The following CCT7 variants were observed in gnomAD, a reference collection of about 807,000 sequenced individuals.
CCT7 encodes T-complex protein 1 subunit eta.
A neutral mutation model predicts 56.6 loss-of-function variants in CCT7; 16 were observed. The observed-to-expected ratio is 0.28, with a 90% CI of 0.19 to 0.43. The LOEUF (loss-of-function observed/expected upper bound fraction) is 0.43, where lower values mean the gene tolerates loss of function less well. Ranked by LOEUF, CCT7 falls within the 20% of genes least tolerant of loss-of-function variation. The probability of loss-of-function intolerance (pLI) is 1.00; values close to 1 mark genes in which losing one functional copy is unlikely to be tolerated. For synonymous variants in CCT7, 262 were observed against 254.8 expected (o/e 1.03, Z -0.27); for missense variants, 519 against 685.6 (o/e 0.76, Z 2.71).
At chr2:73,245,594 C>G (rs771670795) in intron 6 of CCT7, among the ~76,000 whole-genome samples, 3 of 152,224 alleles carry the variant, frequency 2.0e-5, no homozygotes, top group African/African-American at 4.8e-5. Flanking sequence ...TGTCTGGAAA[C>G]GTCCTTGGTA....
rs1437604509 is a variant in CCT7, at chr2:73,252,871, C to T, written c.*10C>T. On this transcript the variant is annotated 3_prime_UTR_variant, in exon 12 of 12. Coordinates refer to ENST00000258091, the MANE Select transcript of CCT7 (RefSeq NM_006429.4). ...TGGCCGCCCCCACTGAGAGGCACCC[C>T]ACCCATCACATGGCTGGCTGGCTGC... The T allele has an allele frequency of 6.2e-7, 1 of 1,605,300 alleles. No individual in the cohort carries two copies. The highest frequency in any genetic ancestry group is 8.5e-7 in the Non-Finnish European group (1 of 1,173,360).
intron 2 of CCT7, 129 bp from the exon 3 acceptor site, chr2:73,240,308 G>C: frequency 5.6e-6 from 3 of 535,680 alleles, no homozygotes; most frequent in Non-Finnish European, 9.8e-6. Context: ...GATCAGATAG[G>C]TATCCTTTCC....
At position 73,252,735 on chromosome 2, in the gene CCT7, G is replaced by T. The variant is rs754487747; in HGVS notation, c.1506G>T (p.Ala502=). Residue 502 remains alanine (A), a synonymous_variant, in exon 12 of 12, where the codon GCG becomes GCT. Transcript: ENST00000258091. Reference sequence around the variant, plus strand: ...AGCCAGCTATGGTGCGGATCAATGCGCTGACAGCAGCCTCTGAGGCTGCGT... The same window carrying T: ...AGCCAGCTATGGTGCGGATCAATGCTCTGACAGCAGCCTCTGAGGCTGCGT... The part of the protein sequence containing the change: ...VWEPAMVRIN[A]LTAASEAACL... 1 of 1,614,082 alleles carries T rather than the reference G, an allele frequency of 6.2e-7. No individual in the cohort carries two copies. The highest frequency in any genetic ancestry group is 8.5e-7 in the Non-Finnish European group (1 of 1,179,976).
At chr2:73,250,189 CCT>C (rs72255992) in intron 9 of CCT7, 115 bp from the exon 10 acceptor site, 95,745 of 1,300,246 alleles carry the variant, frequency 0.074, 4,152 homozygotes, top group African/African-American at 0.18. Flanking sequence ...GATTGGGTAA[CCT>C]GAGTGAAGAA....
At chr2:73,252,536 C>T (rs1241418106) in intron 11 of CCT7, 104 bp from the exon 12 acceptor site, 1 of 864,128 alleles carries the variant, frequency 1.2e-6, no homozygotes, top group Non-Finnish European at 1.9e-6. Flanking sequence ...CCACCAAGTT[C>T]AGAGAGTCTG....
At chr2:73,244,263 C>CT (rs919444839) in intron 5 of CCT7, 30 of 624,150 alleles carry the variant, frequency 4.8e-5, no homozygotes, top group Middle Eastern at 4.3e-4. Flanking sequence ...TGCAATCCCT[C>CT]TATGTGCCTG....
chr2:73,244,687 T>A lies in CCT7; in HGVS notation c.590T>A (p.Ile197Asn). ...TTGCTGCAGCTTAAAATGATTGGAA[T>A]CAAGAAGGTACAGGGTGGAGCCCTC... is the stretch of plus-strand genomic sequence containing the variant. ...DDLLQLKMIG[I>N]KKVQGGALED... Residue 197 changes from isoleucine (I) to asparagine (N), a missense_variant, in exon 6 of 12, where the codon ATC (isoleucine) becomes AAC (asparagine). By Grantham distance (149) the Ile-to-Asn change is moderately radical. Transcript: ENST00000258091. 4 of 1,613,512 alleles carry A rather than the reference T, an allele frequency of 2.5e-6. No homozygotes were observed. The highest frequency in any genetic ancestry group is 3.4e-6 in the Non-Finnish European group (4 of 1,179,650).
At position 73,249,689 on chromosome 2, in the gene CCT7, G is replaced by A. The variant is rs1287206987; in HGVS notation, c.973-130G>A. ...AGAGAGGGGGAAGGGTCGCCTGGAAGTCAAGGGAAAGGGCGGGTAATGTAG... is the reference window on the plus strand; with the variant it reads ...AGAGAGGGGGAAGGGTCGCCTGGAAATCAAGGGAAAGGGCGGGTAATGTAG... On this transcript the variant is annotated intron_variant, in intron 8 of 11. Transcript: ENST00000258091. 5 of 686,066 alleles carry A rather than the reference G, an allele frequency of 7.3e-6. No individual in the cohort carries two copies. The East Asian group carries it at 1.0e-4, about 14-fold the overall frequency. The allele number at this position is 686,066 out of a possible 1,614,324, so 42.5% of individuals were successfully genotyped here. A position where few individuals can be genotyped will look rare whatever the true frequency, so the allele number is the denominator to read the frequency against.
intron 7 of CCT7, 147 bp downstream of exon 7, chr2:73,248,073 C>A: frequency 1.4e-6 from 1 of 709,320 alleles, no homozygotes; most frequent in Non-Finnish European, 2.3e-6. Context: ...TCTTTCCATA[C>A]TCTGTGTTCT....
intron 1 of CCT7, chr2:73,237,789 A>G (rs558187186): frequency 6.6e-6 from 1 of 152,236 alleles, no homozygotes; most frequent in Admixed American, 6.5e-5. Context: ...AGGGCCTGGC[A>G]TGGTGCCTCA....
At chr2:73,244,740 A>G in intron 6 of CCT7, 25 bp downstream of exon 6, 2 of 1,581,132 alleles carry the variant, frequency 1.3e-6, no homozygotes, top group Non-Finnish European at 1.7e-6. Context: ...GCCTTCCTAG[A>G]CAGCTCTTGC....
Position 73,244,364 on chromosome 2 carries a change from A to G in CCT7, c.447-180A>G, listed in dbSNP as rs1211083708. The G allele has an allele frequency of 8.1e-6, 5 of 613,788 alleles. No homozygotes were observed. In the Admixed American group the frequency reaches 1.5e-4, roughly 18 times the overall value. The allele number at this position is 613,788 out of a possible 1,614,324, so 38.0% of individuals were successfully genotyped here. On this transcript the variant is annotated intron_variant, in intron 5 of 11. Transcript: ENST00000258091. ...GACTGTAGTTTAAAAGCTGCCACAT[A>G]TGAGATCTTTGACTGCAGTCACCAT...
rs377271042 is a variant in CCT7 at position 73,244,712 on chromosome 2, C to A, written c.615C>A (p.Leu205=). 2 of 1,608,132 alleles carry A rather than the reference C, an allele frequency of 1.2e-6. No individual in the cohort carries two copies. Among genetic ancestry groups the A allele is most frequent in the Admixed American group, 1.7e-5 (1 of 59,612 alleles). ...IGIKKVQGGA[L]EDSQLVAGVA... ...TCAAGAAGGTACAGGGTGGAGCCCT[C>A]GAGGTAAGCCTGCTGTGGCCTTCCT... Residue 205 remains leucine (L), a synonymous_variant, in exon 6 of 12, where the codon CTC becomes CTA. Transcript: ENST00000258091.
intron 5 of CCT7, 140 bp downstream of exon 5, chr2:73,244,189 C>T (rs779963174): frequency 1.1e-5 from 9 of 825,208 alleles, no homozygotes; most frequent in South Asian, 3.5e-5. Flanking sequence ...TGTGAGTCAC[C>T]GTGTCAGGCC....
rs1687530040 is a variant in CCT7, at chr2:73,250,447, C to T, written c.1203+9C>T. ...TCAGGAGGGCCATCAAGGTACTGGG[C>T]TGATATCCTCCTGCTTGCACAGCCT... On this transcript the variant is annotated intron_variant, in intron 10 of 11. Coordinates refer to ENST00000258091, the MANE Select transcript of CCT7 (RefSeq NM_006429.4). The T allele has an allele frequency of 6.2e-7, 1 of 1,613,476 alleles. No individual in the cohort carries two copies. Among genetic ancestry groups the T allele is most frequent in the Non-Finnish European group, 8.5e-7 (1 of 1,179,942 alleles).
rs1220385117 is a variant in CCT7, at chr2:73,240,484, G to C, written c.208G>C (p.Asp70His). Residue 70 changes from aspartate (D) to histidine (H), a missense_variant, in exon 3 of 12, where the codon GAT becomes CAT. Transcript: ENST00000258091. ...NDGATILKLLDVVHPAAKTLV... is the reference protein window; with the variant it reads ...NDGATILKLLHVVHPAAKTLV... ...TGGGGCCACAATTCTGAAACTTCTT[G>C]ATGTTGTCCATCCTGCAGCAAAGAC... The C allele has an allele frequency of 6.2e-7, 1 of 1,612,334 alleles. No individual in the cohort carries two copies. Among genetic ancestry groups the C allele is most frequent in the Non-Finnish European group, 8.5e-7 (1 of 1,179,004 alleles).
intron 6 of CCT7, 75 bp from the exon 7 acceptor site, chr2:73,247,687 T>C: frequency 7.5e-7 from 1 of 1,339,046 alleles, no homozygotes; most frequent in Non-Finnish European, 1.0e-6. Flanking sequence ...GGATAAGCAC[T>C]AGCCAGCAAA....
chr2:73,244,668 CA>C lies in CCT7; in HGVS notation c.572del (p.Gln191ArgfsTer4). ...AGTGATGATGCTCGATGATTTGCTG[CA>C]GCTTAAAATGATTGGAATCAAGAAG... ...DAVMMLDDLL[Q>X]LKMIGIKKVQ... is the part of the protein sequence containing the mutation. On this transcript the variant is annotated frameshift_variant, in exon 6 of 12. Coordinates refer to ENST00000258091, the MANE Select transcript of CCT7 (RefSeq NM_006429.4). LOFTEE classifies it high-confidence loss of function. 6.2e-7 allele frequency: 1 copy of C among 1,613,734 alleles called. No individual in the cohort carries two copies. The highest frequency in any genetic ancestry group is 8.5e-7 in the Non-Finnish European group (1 of 1,179,754).
At chr2:73,245,244 T>C (rs1687283992) in intron 6 of CCT7, among the ~76,000 whole-genome samples, 1 of 152,244 alleles carries the variant, frequency 6.6e-6, no homozygotes. Flanking sequence ...TATGAACATG[T>C]ATGTAAATAC....
Sources: gnomAD v4.1 joint callset for allele counts (sites outside exome capture counted in the v4.1 genomes callset) on GRCh38, gnomAD v4.1.1 for gene constraint, MANE v1.5 for transcripts, NCBI Gene and HGNC (gene_info 2026-07-23, HGNC 2026-07-21) for gene names.